The following DLG2 variants were observed in gnomAD, a reference collection of about 807,000 sequenced individuals.
The protein encoded by DLG2 is disks large homolog 2.
A neutral mutation model predicts 132.5 loss-of-function variants in DLG2; 45 were observed. That is an observed-to-expected ratio of 0.34 (90% confidence interval 0.27 to 0.44). The LOEUF (loss-of-function observed/expected upper bound fraction) is 0.44. Among genes scored for constraint, DLG2 ranks in the 20% least tolerant of loss-of-function variants. The pLI, the probability that DLG2 is intolerant of heterozygous loss-of-function variation, is 1.00. For synonymous variants in DLG2, 424 were observed against 419.6 expected (o/e 1.01, Z -0.13); for missense variants, 1,045 against 1,196.9 (o/e 0.87, Z 1.87).
Position 85,174,186 on chromosome 11 carries a change from C to T in DLG2, c.187-19535G>A, listed in dbSNP as rs556266564. ...AATATATATTCTTCTCATAACCACA[C>T]GGCAGTTACTCCAAAATTGATCACA... is the stretch of plus-strand genomic sequence containing the variant. On this transcript the variant is annotated intron_variant, in intron 4 of 27. Coordinates refer to ENST00000376104, the MANE Select transcript of DLG2 (RefSeq NM_001142699.3). 3.7e-4 allele frequency among the ~76,000 whole-genome samples: 56 copies of T among 152,218 alleles called. 1 individual carries two copies. In the South Asian group the frequency reaches 9.5e-3, roughly 26 times the overall value.
chr11:85,464,049 G>A (rs2153062645), intron 3 of DLG2, among the ~76,000 whole-genome samples: 1 of 143,166 alleles, frequency 7.0e-6, no homozygotes, highest in South Asian at 2.2e-4. Flanking sequence ...GAGATTGAAA[G>A]GGGAGAAGGG....
intron 18 of DLG2, among the ~76,000 whole-genome samples, chr11:83,649,393 G>A (rs1323465365): frequency 6.6e-6 from 1 of 152,060 alleles, no homozygotes; most frequent in Admixed American, 6.6e-5. Context: ...TCAGGAAAGT[G>A]ATCTTGAAAT....
At chr11:84,742,398 A>G (rs764585821) in intron 6 of DLG2, among the ~76,000 whole-genome samples, 2 of 152,192 alleles carry the variant, frequency 1.3e-5, no homozygotes, top group African/African-American at 2.4e-5. Flanking sequence ...AAAAACAGCA[A>G]GAGAAAAGTG....
intron 3 of DLG2, among the ~76,000 whole-genome samples, chr11:85,500,957 C>T (rs1331424580): frequency 2.0e-5 from 3 of 152,178 alleles, no homozygotes; most frequent in African/African-American, 7.2e-5. Context: ...GCTCCCATAG[C>T]CAAGACAATC....
In DLG2 at chr11:84,059,331, C is replaced by G. The variant is rs761883086; in HGVS notation, c.903G>C (p.Leu301=). Residue 301 remains leucine (L), a synonymous_variant, in exon 11 of 28, where the codon CTG becomes CTC. Coordinates refer to ENST00000376104, the MANE Select transcript of DLG2 (RefSeq NM_001142699.3). The part of the protein sequence containing the change: ...PILETVVEIK[L]FKGPKGLGFS... Reference sequence around the variant, plus strand: ...TTTGATTACCTTTAGGGCCTTTGAACAGTTTGATTTCCACAACGGTCTCCA... The same window carrying G: ...TTTGATTACCTTTAGGGCCTTTGAAGAGTTTGATTTCCACAACGGTCTCCA... The G allele has an allele frequency of 1.2e-6, 2 of 1,613,372 alleles. No homozygotes were observed. The highest frequency in any genetic ancestry group is 2.2e-5 in the South Asian group (2 of 90,942).
intron 7 of DLG2, among the ~76,000 whole-genome samples, chr11:84,449,869 TAAA>T (rs1331470272): frequency 1.3e-5 from 2 of 151,758 alleles, no homozygotes; most frequent in African/African-American, 4.8e-5. Flanking sequence ...AGAAGTAAAA[TAAA>T]AACAAGTAAT....
At chr11:85,005,182 T>C (rs1165458136) in intron 6 of DLG2, among the ~76,000 whole-genome samples, 1 of 152,192 alleles carries the variant, frequency 6.6e-6, no homozygotes, top group African/African-American at 2.4e-5. Flanking sequence ...CTTTGTTCTT[T>C]TTGCTTAGGA....
intron 19 of DLG2, among the ~76,000 whole-genome samples, chr11:83,549,674 T>G (rs1408240138): frequency 6.6e-6 from 1 of 152,198 alleles, no homozygotes; most frequent in Non-Finnish European, 1.5e-5. Context: ...AGATCTAAAC[T>G]TTAGTTGCTC....
At chr11:83,940,825 G>T (rs1447370101) in intron 14 of DLG2, among the ~76,000 whole-genome samples, 1 of 152,148 alleles carries the variant, frequency 6.6e-6, no homozygotes, top group East Asian at 1.9e-4. Context: ...CCTAACCCAG[G>T]AATAGTGCTT....
At chr11:84,890,082 A>C (rs1241766683) in intron 6 of DLG2, among the ~76,000 whole-genome samples, 1 of 152,244 alleles carries the variant, frequency 6.6e-6, no homozygotes, top group South Asian at 2.1e-4. Context: ...TTGACAGACT[A>C]GTTTGCTACA....
At chr11:83,894,191 T>A (rs78381982) in intron 15 of DLG2, among the ~76,000 whole-genome samples, 3 of 152,202 alleles carry the variant, frequency 2.0e-5, no homozygotes, top group Non-Finnish European at 4.4e-5. Context: ...GACATTTCTG[T>A]ATCTACTGAA....
intron 4 of DLG2, among the ~76,000 whole-genome samples, chr11:85,165,356 C>T (rs548361468): frequency 2.6e-5 from 4 of 152,138 alleles, no homozygotes; most frequent in South Asian, 2.1e-4. Context: ...AAAGACCAGA[C>T]GAAATCAGAA....
chr11:83,564,098 A>ATG (rs2096660726), intron 19 of DLG2, among the ~76,000 whole-genome samples: 1 of 128,746 alleles, frequency 7.8e-6, no homozygotes, highest in African/African-American at 3.0e-5. Context: ...CTAATTTTTC[A>ATG]TGTGTTTTTT....
intron 18 of DLG2, among the ~76,000 whole-genome samples, chr11:83,683,149 T>C (rs1486819501): frequency 2.0e-5 from 3 of 152,192 alleles, no homozygotes; most frequent in Non-Finnish European, 2.9e-5. Flanking sequence ...TTAACCTTTT[T>C]AGGTTCATCG....
chr11:84,455,205 A>G (rs1374389778), intron 7 of DLG2, among the ~76,000 whole-genome samples: 1 of 151,380 alleles, frequency 6.6e-6, no homozygotes, highest in African/African-American at 2.4e-5. Flanking sequence ...TCCTAATGAA[A>G]TTTCACACCT....
chr11:84,888,907 G>T (rs551528330), intron 6 of DLG2, among the ~76,000 whole-genome samples: 1 of 152,110 alleles, frequency 6.6e-6, no homozygotes, highest in African/African-American at 2.4e-5. Flanking sequence ...CTGGCAAAGC[G>T]TCTTCACCAC....
intron 6 of DLG2, among the ~76,000 whole-genome samples, chr11:85,024,241 A>T (rs1175759838): frequency 2.0e-5 from 3 of 152,192 alleles, no homozygotes; most frequent in Non-Finnish European, 4.4e-5. Flanking sequence ...CTTCCTCAGC[A>T]TTAGAAACTA....
At chr11:85,298,689 T>C (rs1187960408) in intron 3 of DLG2, among the ~76,000 whole-genome samples, 2 of 152,106 alleles carry the variant, frequency 1.3e-5, no homozygotes, top group Non-Finnish European at 2.9e-5. Flanking sequence ...ATTGGTATTA[T>C]TGGTATTAAC....
chr11:83,643,874 T>C (rs942853165), intron 18 of DLG2, among the ~76,000 whole-genome samples: 3 of 152,076 alleles, frequency 2.0e-5, no homozygotes, highest in Non-Finnish European at 4.4e-5. Context: ...ATTCTAGACT[T>C]TGTTCTACAA....
Sources: gnomAD v4.1 joint callset for allele counts (sites outside exome capture counted in the v4.1 genomes callset) on GRCh38, gnomAD v4.1.1 for gene constraint, MANE v1.5 for transcripts, NCBI Gene and HGNC (gene_info 2026-07-23, HGNC 2026-07-21) for gene names.